TBC1D4: variants seen among roughly 807,000 people sequenced by gnomAD.
TBC1D4 encodes the protein TBC (Tre-2, BUB2, CDC16) domain-containing protein.
TBC1D4 carries 121 observed loss-of-function variants against 142.5 expected under a neutral mutation model. The ratio of observed to expected loss-of-function variants is 0.85; its 90% CI spans 0.73 to 0.99. The LOEUF is 0.99. TBC1D4 is among the 50% of genes least tolerant of loss of function. The probability of loss-of-function intolerance (pLI) is 0.00; values close to 1 mark genes in which losing one functional copy is unlikely to be tolerated. For missense variants in TBC1D4, 1,475 were observed against 1,606.6 expected, an observed-to-expected ratio of 0.92 and a Z score of 1.40; for synonymous variants, 630 against 628.2, an observed-to-expected ratio of 1.00 and a Z score of -0.04.
chr13:75,307,377 C>T (rs757334318), intron 14 of TBC1D4, among the ~76,000 whole-genome samples: 5 of 152,070 alleles, frequency 3.3e-5, no homozygotes, highest in African/African-American at 9.7e-5. Flanking sequence ...CTAACATATC[C>T]GCCCAGAGCT....
At chr13:75,293,220 C>T (rs1210298652) in intron 18 of TBC1D4, among the ~76,000 whole-genome samples, 2 of 152,144 alleles carry the variant, frequency 1.3e-5, no homozygotes, top group Non-Finnish European at 2.9e-5. Context: ...AAGTTTCTCT[C>T]AATCTATGTC....
At chr13:75,472,609 G>C (rs1209519238) in intron 1 of TBC1D4, among the ~76,000 whole-genome samples, 1 of 151,968 alleles carries the variant, frequency 6.6e-6, no homozygotes, top group Non-Finnish European at 1.5e-5. Flanking sequence ...TAACAGGAAG[G>C]GGCGAGGACC....
At chr13:75,451,575 G>C (rs1271253637) in intron 1 of TBC1D4, among the ~76,000 whole-genome samples, 1 of 150,208 alleles carries the variant, frequency 6.7e-6, no homozygotes, top group Admixed American at 6.6e-5. Context: ...AGCTACTCGG[G>C]AGGCTGAGGT....
intron 1 of TBC1D4, among the ~76,000 whole-genome samples, chr13:75,421,277 C>T (rs17064409): frequency 3.9e-4 from 60 of 152,236 alleles, no homozygotes; most frequent in African/African-American, 1.4e-3. Flanking sequence ...TACAATCTCT[C>T]CATCCTTGGA....
chr13:75,345,764 T>G (rs2138098163), intron 5 of TBC1D4, among the ~76,000 whole-genome samples: 1 of 151,692 alleles, frequency 6.6e-6, no homozygotes, highest in South Asian at 2.1e-4. Flanking sequence ...TATTTAAAAC[T>G]ATAAAAACTT....
At chr13:75,368,523 T>C (rs9565155) in intron 1 of TBC1D4, among the ~76,000 whole-genome samples, 122,845 of 152,194 alleles carry the variant, frequency 0.81, 50,017 homozygotes, top group African/African-American at 0.92. Flanking sequence ...GCCTTTTTGA[T>C]GGCCTCTAAG....
intron 1 of TBC1D4, among the ~76,000 whole-genome samples, chr13:75,394,086 G>C (rs116316539): frequency 2.1e-3 from 312 of 152,156 alleles, no homozygotes; most frequent in African/African-American, 7.3e-3. Context: ...AATATGACTT[G>C]GTAATTATAA....
At chr13:75,308,796 C>G (rs1877441712) in intron 14 of TBC1D4, among the ~76,000 whole-genome samples, 1 of 152,122 alleles carries the variant, frequency 6.6e-6, no homozygotes, top group Non-Finnish European at 1.5e-5. Context: ...ATGCTAACGA[C>G]AAGTAATAGC....
intron 1 of TBC1D4, among the ~76,000 whole-genome samples, chr13:75,424,736 C>A (rs528340975): frequency 6.6e-6 from 1 of 152,270 alleles, no homozygotes; most frequent in South Asian, 2.1e-4. Context: ...TAATTTTCAA[C>A]AAAGGTGTCA....
At chr13:75,479,556 A>T (rs1302011324) in intron 1 of TBC1D4, among the ~76,000 whole-genome samples, 1 of 152,146 alleles carries the variant, frequency 6.6e-6, no homozygotes, top group Non-Finnish European at 1.5e-5. Flanking sequence ...AGGACCATCA[A>T]TGAGATTAGC....
chr13:75,348,954 A>AGTGTGT (rs55954112), intron 5 of TBC1D4, among the ~76,000 whole-genome samples: 1,935 of 139,146 alleles, frequency 0.014, 20 homozygotes, highest in African/African-American at 0.026. Flanking sequence ...AGAGAGAGAG[A>AGTGTGT]GTGTGTGTGT....
intron 1 of TBC1D4, among the ~76,000 whole-genome samples, chr13:75,467,116 T>C (rs1888201490): frequency 6.6e-6 from 1 of 152,096 alleles, no homozygotes; most frequent in Non-Finnish European, 1.5e-5. Context: ...ATATTATGAC[T>C]CAAATCAATG....
chr13:75,379,885 C>CTTTTTTTTTTTTTTTT lies in TBC1D4; in HGVS notation c.499-17279_499-17278insAAAAAAAAAAAAAAAA, dbSNP rs1883718060. ...AAGTATATCAGTTTTGTTCATCTGA[C>CTTTTTTTTTTTTTTTT]TCTTTTTTTTTTTTTTTTTTTTTTT... On this transcript the variant is annotated intron_variant, in intron 1 of 20. Transcript: ENST00000377636. 1.2e-4 allele frequency among the ~76,000 whole-genome samples: 12 copies of CTTTTTTTTTTTTTTTT among 98,536 alleles called. 3 individuals are homozygous for CTTTTTTTTTTTTTTTT. Among genetic ancestry groups the CTTTTTTTTTTTTTTTT allele is most frequent in the Non-Finnish European group, 1.6e-4 (8 of 50,102 alleles). 64.6% of individuals were successfully genotyped at this position (98,536 alleles called of 152,430 possible).
intron 1 of TBC1D4, among the ~76,000 whole-genome samples, chr13:75,364,042 A>G (rs1882749030): frequency 6.6e-6 from 1 of 152,120 alleles, no homozygotes; most frequent in Non-Finnish European, 1.5e-5. Context: ...TAAGATGTAC[A>G]TTGGTTCGAT....
At chr13:75,468,515 A>G (rs1003384400) in intron 1 of TBC1D4, among the ~76,000 whole-genome samples, 10 of 151,568 alleles carry the variant, frequency 6.6e-5, no homozygotes, top group African/African-American at 1.9e-4. Context: ...CAAACTTCCT[A>G]TGTTTTGATC....
chr13:75,417,811 T>C (rs1354449730), intron 1 of TBC1D4, among the ~76,000 whole-genome samples: 1 of 152,226 alleles, frequency 6.6e-6, no homozygotes, highest in Non-Finnish European at 1.5e-5. Context: ...TTTTACCTTT[T>C]AGTTTCAACT....
intron 3 of TBC1D4, 22 bp from the exon 4 acceptor site, chr13:75,356,273 C>T: frequency 6.7e-7 from 1 of 1,502,712 alleles, no homozygotes; most frequent in Non-Finnish European, 9.3e-7. Flanking sequence ...GGAAGAAGTG[C>T]AATAAAAATG....
chr13:75,404,494 T>C (rs1189690831), intron 1 of TBC1D4, among the ~76,000 whole-genome samples: 2 of 152,200 alleles, frequency 1.3e-5, no homozygotes, highest in Admixed American at 6.5e-5. Context: ...TGTGACAGTT[T>C]TGAGGGGTTC....
intron 1 of TBC1D4, among the ~76,000 whole-genome samples, chr13:75,448,324 T>C (rs1457818823): frequency 6.6e-6 from 1 of 152,122 alleles, no homozygotes; most frequent in Admixed American, 6.6e-5. Flanking sequence ...AAACACTTTA[T>C]GGAGAGGCCA....
Sources: allele counts gnomAD v4.1 joint callset (sites outside exome capture counted in the v4.1 genomes callset), GRCh38; gene constraint gnomAD v4.1.1; transcripts MANE v1.5; gene names NCBI Gene and HGNC (gene_info 2026-07-23, HGNC 2026-07-21).